SEMA5A: variants seen among roughly 807,000 people sequenced by gnomAD.
SEMA5A encodes semaphorin-5A.
SEMA5A carries 55 observed loss-of-function variants against 135.5 expected under a neutral mutation model. The ratio of observed to expected loss-of-function variants is 0.41; its 90% confidence interval spans 0.33 to 0.51. The LOEUF is 0.51. Among genes scored for constraint, SEMA5A ranks in the 20% least tolerant of loss-of-function variants. SEMA5A has a pLI of 0.37. For synonymous variants in SEMA5A, 580 were observed against 546.5 expected, an observed-to-expected ratio of 1.06 and a Z score of -0.85; for missense variants, 1,290 against 1,419.9, an observed-to-expected ratio of 0.91 and a Z score of 1.47.
intron 2 of SEMA5A, among the ~76,000 whole-genome samples, chr5:9,396,185 A>G (rs1265994169): frequency 1.3e-5 from 2 of 151,800 alleles, no homozygotes; most frequent in Admixed American, 6.6e-5. Flanking sequence ...CACAAACATG[A>G]GGCAGTTGGT....
intron 15 of SEMA5A, among the ~76,000 whole-genome samples, chr5:9,113,836 C>T (rs1033569094): frequency 7.9e-5 from 12 of 152,118 alleles, no homozygotes; most frequent in East Asian, 1.9e-4. Flanking sequence ...AACTCTCATG[C>T]GTTGCTGTTG....
chr5:9,103,906 T>C (rs927316149), intron 16 of SEMA5A, among the ~76,000 whole-genome samples: 22 of 152,238 alleles, frequency 1.4e-4, no homozygotes, highest in Admixed American at 4.6e-4. Context: ...GATCTCCTAA[T>C]AGTACTCTTA....
chr5:9,366,032 A>G (rs186501402), intron 3 of SEMA5A, among the ~76,000 whole-genome samples: 46 of 149,662 alleles, frequency 3.1e-4, no homozygotes, highest in African/African-American at 1.2e-3. Context: ...CAATTAGACT[A>G]ACTATCTATT....
At chr5:9,064,339 C>A (rs576798686) in intron 17 of SEMA5A, among the ~76,000 whole-genome samples, 1 of 152,116 alleles carries the variant, frequency 6.6e-6, no homozygotes, top group East Asian at 1.9e-4. Context: ...AAACTCTATG[C>A]GCACGTATGT....
intron 2 of SEMA5A, among the ~76,000 whole-genome samples, chr5:9,387,753 CAG>C (rs1434679096): frequency 6.6e-6 from 1 of 152,186 alleles, no homozygotes; most frequent in Non-Finnish European, 1.5e-5. Context: ...TTCAAGTAAA[CAG>C]ATTCTTCTAA....
chr5:9,147,348 C>G (rs549096324), intron 12 of SEMA5A, among the ~76,000 whole-genome samples: 1 of 152,084 alleles, frequency 6.6e-6, no homozygotes, highest in African/African-American at 2.4e-5. Flanking sequence ...CTGGAGTGTA[C>G]TGCAACCTCC....
Position 9,042,960 on chromosome 5 carries a change from A to T in SEMA5A, c.3162T>A (p.His1054Gln). The T allele has an allele frequency of 3.1e-6, 5 of 1,612,742 alleles. No homozygotes were observed. The highest frequency in any genetic ancestry group is 4.2e-6 in the Non-Finnish European group (5 of 1,178,862). ...LEERNKYFNP[H>Q]LTGKTYSNAY... ...CATTAGAATAGGTCTTCCCAGTGAG[A>T]TGTGGGTTGAAGTATTTGTTTCTTT... The change falls in exon 23 of 23, where the codon CAT (histidine) becomes CAA (glutamine). Residue 1054 changes from histidine to glutamine, a missense_variant. His to Gln is a conservative substitution (Grantham distance 24). Around this residue, in one of 3 missense-constraint regions of SEMA5A, gnomAD observed 1,029 missense variants for 1,086.6 expected, o/e 0.95. Transcript: ENST00000382496.
At chr5:9,388,461 CT>C (rs1274033080) in intron 2 of SEMA5A, among the ~76,000 whole-genome samples, 1 of 147,090 alleles carries the variant, frequency 6.8e-6, no homozygotes, top group Non-Finnish European at 1.5e-5. Context: ...AACAAAAGTC[CT>C]TTCTAAGAAA....
At position 9,189,788 on chromosome 5, in the gene SEMA5A, A is replaced by G. The variant is rs549287977; in HGVS notation, c.1273+479T>C. Among the ~76,000 whole-genome samples the G allele has an allele frequency of 3.9e-5, 6 of 152,340 alleles. No individual in the cohort carries two copies. In the South Asian group the frequency reaches 1.2e-3, roughly 32 times the overall value. On this transcript the variant is annotated intron_variant, in intron 11 of 22. Coordinates refer to ENST00000382496, the MANE Select transcript of SEMA5A (RefSeq NM_003966.3). The stretch of plus-strand genomic sequence containing the variant: ...GTATCACTGCCTACATTTGCTGTAA[A>G]TGTTCCATTATTTATGCCCCAAAAC...
chr5:9,521,537 G>A (rs1331601475), intron 1 of SEMA5A, among the ~76,000 whole-genome samples: 1 of 152,188 alleles, frequency 6.6e-6, no homozygotes, highest in African/African-American at 2.4e-5. Context: ...CAAAAAAGGT[G>A]GATGTGAAAC....
At chr5:9,375,278 T>C (rs75878621) in intron 3 of SEMA5A, among the ~76,000 whole-genome samples, 1,646 of 152,220 alleles carry the variant, frequency 0.011, 38 homozygotes, top group African/African-American at 0.036. Context: ...AACGGCACCT[T>C]TGCAGACAAA....
At chr5:9,342,150 G>C (rs1753681353) in intron 3 of SEMA5A, among the ~76,000 whole-genome samples, 1 of 151,694 alleles carries the variant, frequency 6.6e-6, no homozygotes. Context: ...AGGGGTAAAA[G>C]CTACTCTTTT....
chr5:9,050,974 G>A (rs1451217716), intron 20 of SEMA5A, among the ~76,000 whole-genome samples: 1 of 143,470 alleles, frequency 7.0e-6, no homozygotes, highest in Admixed American at 6.7e-5. Flanking sequence ...GTAGGATGCA[G>A]AGAGAGGCCA....
intron 16 of SEMA5A, among the ~76,000 whole-genome samples, chr5:9,081,121 G>A (rs1738358560): frequency 6.6e-6 from 1 of 152,150 alleles, no homozygotes; most frequent in African/African-American, 2.4e-5. Context: ...CCACCCTCTA[G>A]CCTATAGCCA....
chr5:9,338,584 C>T (rs2150721681), intron 3 of SEMA5A, among the ~76,000 whole-genome samples: 1 of 152,274 alleles, frequency 6.6e-6, no homozygotes, highest in South Asian at 2.1e-4. Flanking sequence ...AAAAAATATT[C>T]AGTGAGTTGC....
chr5:9,094,494 A>C (rs1243778091), intron 16 of SEMA5A, among the ~76,000 whole-genome samples: 1 of 152,262 alleles, frequency 6.6e-6, no homozygotes, highest in Non-Finnish European at 1.5e-5. Context: ...AATGAGCTTC[A>C]TAATGAAAAC....
chr5:9,230,953 C>T (rs544409881), intron 6 of SEMA5A, among the ~76,000 whole-genome samples: 3 of 152,292 alleles, frequency 2.0e-5, no homozygotes, highest in East Asian at 3.9e-4. Flanking sequence ...CCCGTTCTTA[C>T]TCCCTTAAAG....
At chr5:9,219,762 T>C (rs184597536) in intron 8 of SEMA5A, among the ~76,000 whole-genome samples, 2 of 152,276 alleles carry the variant, frequency 1.3e-5, no homozygotes, top group African/African-American at 4.8e-5. Context: ...TACTTTGTCA[T>C]GGCATCCCTA....
chr5:9,343,092 C>A (rs937696191), intron 3 of SEMA5A, among the ~76,000 whole-genome samples: 3 of 152,166 alleles, frequency 2.0e-5, no homozygotes, highest in Admixed American at 6.5e-5. Flanking sequence ...TGAAATACAA[C>A]AGAAAGCTGG....
Sources: gnomAD v4.1 joint callset for allele counts (sites outside exome capture counted in the v4.1 genomes callset) on GRCh38, gnomAD v4.1.1 for gene constraint, gnomAD v4.1.1 regional missense constraint, MANE v1.5 for transcripts, NCBI Gene and HGNC (gene_info 2026-07-23, HGNC 2026-07-21) for gene names.